Variants in CNKSR2 observed in about 807,000 individuals in gnomAD.
The protein encoded by CNKSR2 is CNK homolog protein 2.
In CNKSR2, 14 loss-of-function variants were observed where a neutral mutation model predicts 84.4. The observed-to-expected ratio is 0.17, with a 90% CI of 0.11 to 0.26. The LOEUF (loss-of-function observed/expected upper bound fraction) is 0.26. Ranked by LOEUF, CNKSR2 falls within the 10% of genes least tolerant of loss-of-function variation. The pLI is 1.00. For missense variants in CNKSR2, 485 were observed against 771.2 expected, an observed-to-expected ratio of 0.63 and a Z score of 4.40; for synonymous variants, 275 against 277.9, an observed-to-expected ratio of 0.99 and a Z score of 0.10.
chrX:21,474,275 T>G (rs2091236445), intron 5 of CNKSR2, among the ~76,000 whole-genome samples: 2 of 111,525 alleles, frequency 1.8e-5, no homozygotes, highest in African/African-American at 6.5e-5. Flanking sequence ...GGGTTCTTTC[T>G]GGAAAACAGA....
chrX:21,604,031 C>T (rs1439675995), intron 18 of CNKSR2, among the ~76,000 whole-genome samples: 2 of 110,872 alleles, frequency 1.8e-5, no homozygotes, highest in Admixed American at 1.9e-4. Context: ...AATTAATTTG[C>T]CATTAGAATA....
chrX:21,465,508 A>G (rs188258591), intron 4 of CNKSR2, among the ~76,000 whole-genome samples: 2 of 111,615 alleles, frequency 1.8e-5, no homozygotes, highest in Admixed American at 1.9e-4. Context: ...TTGAGTATGA[A>G]GGTACCATTA....
intron 13 of CNKSR2, among the ~76,000 whole-genome samples, chrX:21,569,325 TAAAAC>T (rs1050475886): frequency 3.6e-5 from 4 of 111,280 alleles, no homozygotes; most frequent in African/African-American, 1.3e-4. Flanking sequence ...GACAATATCT[TAAAAC>T]AAAATGACAA....
chrX:21,555,343 G>A (rs2092129900), intron 11 of CNKSR2, among the ~76,000 whole-genome samples: 1 of 111,473 alleles, frequency 9.0e-6, no homozygotes, highest in Non-Finnish European at 1.9e-5. Context: ...ACATTGAAAT[G>A]TTTACAAACC....
chrX:21,526,450 A>G (rs758868413), intron 9 of CNKSR2, among the ~76,000 whole-genome samples: 3 of 111,446 alleles, frequency 2.7e-5, no homozygotes, highest in Non-Finnish European at 3.8e-5. Context: ...TCATACATCA[A>G]TCAGGATGTG....
Position 21,489,442 on chromosome X carries a change from G to A in CNKSR2, c.562-1017G>A, listed in dbSNP as rs373392281. 9.1e-5 allele frequency among the ~76,000 whole-genome samples: 10 copies of A among 110,442 alleles called. No individual in the cohort carries two copies. In the East Asian group the frequency reaches 1.7e-3, roughly 19 times the overall value. ...TTGCAAAATAATAGTTCCTCCTATA[G>A]TTAAAGCAAAAAAAAAAGTTTCAAA... On this transcript the variant is annotated intron_variant, in intron 5 of 21. Coordinates refer to ENST00000379510, the MANE Select transcript of CNKSR2 (RefSeq NM_014927.5).
intron 11 of CNKSR2, among the ~76,000 whole-genome samples, chrX:21,534,688 C>T (rs1006946559): frequency 3.6e-5 from 4 of 110,908 alleles, no homozygotes; most frequent in Non-Finnish European, 7.6e-5. Flanking sequence ...TAATGATAAA[C>T]GACGTTAAGC....
intron 6 of CNKSR2, among the ~76,000 whole-genome samples, chrX:21,497,244 A>G (rs1253543139): frequency 1.8e-5 from 2 of 111,302 alleles, no homozygotes; most frequent in Non-Finnish European, 3.8e-5. Flanking sequence ...TAATTAGTAA[A>G]ACTTTATCAA....
chrX:21,567,573 AC>A (rs892818813), intron 13 of CNKSR2, among the ~76,000 whole-genome samples: 21 of 111,623 alleles, frequency 1.9e-4, no homozygotes, highest in African/African-American at 5.9e-4. Context: ...CCAGCTGAAA[AC>A]TTCAGTTCCA....
At chrX:21,553,011 C>T (rs1273648922) in intron 11 of CNKSR2, among the ~76,000 whole-genome samples, 1 of 111,912 alleles carries the variant, frequency 8.9e-6, no homozygotes, top group East Asian at 2.8e-4. Flanking sequence ...CACATCATGT[C>T]ATACCAATTT....
At chrX:21,516,367 A>G (rs1601889680) in intron 8 of CNKSR2, 118 bp from the exon 9 acceptor site, 7 of 723,290 alleles carry the variant, frequency 9.7e-6, no homozygotes, top group Non-Finnish European at 1.4e-5. Context: ...CTGAAAATTG[A>G]TAGGATGGTA....
chrX:21,399,924 A>G (rs966549860), intron 1 of CNKSR2, among the ~76,000 whole-genome samples: 1 of 111,354 alleles, frequency 9.0e-6, no homozygotes, highest in African/African-American at 3.3e-5. Flanking sequence ...AATAACACCT[A>G]CCTCAAAGAG....
intron 1 of CNKSR2, among the ~76,000 whole-genome samples, chrX:21,381,689 C>T (rs2089901098): frequency 8.9e-6 from 1 of 112,218 alleles, no homozygotes; most frequent in Admixed American, 9.4e-5. Context: ...ATGAGGTAAG[C>T]GTCATGCCCA....
intron 11 of CNKSR2, chrX:21,538,012 G>A (rs2091944946): frequency 9.0e-6 from 1 of 111,251 alleles, no homozygotes; most frequent in South Asian, 3.7e-4. Context: ...TGTCATTTGT[G>A]TTTCTACTCT....
intron 20 of CNKSR2, among the ~76,000 whole-genome samples, chrX:21,633,355 A>C (rs924322248): frequency 2.7e-5 from 3 of 112,017 alleles, no homozygotes; most frequent in Non-Finnish European, 3.8e-5. Context: ...CTTCAATAAA[A>C]CATAGAATTG....
chrX:21,535,466 A>G (rs2147129952), intron 11 of CNKSR2, among the ~76,000 whole-genome samples: 1 of 111,535 alleles, frequency 9.0e-6, no homozygotes, highest in Non-Finnish European at 1.9e-5. Flanking sequence ...TGCTTTGGGT[A>G]GTATAGTCAT....
At chrX:21,479,391 A>C (rs2091292800) in intron 5 of CNKSR2, among the ~76,000 whole-genome samples, 1 of 111,216 alleles carries the variant, frequency 9.0e-6, no homozygotes, top group African/African-American at 3.3e-5. Context: ...GCTATTGTGA[A>C]TTTTGATATA....
rs1271443933 is a variant in CNKSR2, at chrX:21,374,541, T to G, written c.-357T>G. 4.5e-6 allele frequency: 2 copies of G among 443,742 alleles called. No homozygotes were observed. Among genetic ancestry groups the G allele is most frequent in the Non-Finnish European group, 7.9e-6 (2 of 252,733 alleles). The allele number at this position is 443,742 out of a possible 1,213,427, so 36.6% of individuals were successfully genotyped here. A position where few individuals can be genotyped will look rare whatever the true frequency, so the allele number is the denominator to read the frequency against. On this transcript the variant is annotated 5_prime_UTR_variant, in exon 1 of 22. Transcript: ENST00000379510. ...CTCGGCGACGCGACCCCTCAGCAAC[T>G]CAAGCTATGAACTGAAGCTCCCTAG...
intron 4 of CNKSR2, among the ~76,000 whole-genome samples, chrX:21,452,912 A>G (rs1277798160): frequency 1.8e-5 from 2 of 108,780 alleles, no homozygotes; most frequent in Non-Finnish European, 3.8e-5. Flanking sequence ...ATGATGTGTA[A>G]CCACTAGTCA....
Sources: allele counts gnomAD v4.1 joint callset (sites outside exome capture counted in the v4.1 genomes callset), GRCh38; gene constraint gnomAD v4.1.1; transcripts MANE v1.5; gene names NCBI Gene and HGNC (gene_info 2026-07-23, HGNC 2026-07-21).